Variants in ZMYM2 observed in about 807,000 individuals in gnomAD.
The protein encoded by ZMYM2 is zinc finger MYM-type containing 2, also known as zinc finger MYM-type protein 2.
In ZMYM2, 56 loss-of-function variants were observed where a neutral mutation model predicts 162.8. That is an observed-to-expected ratio of 0.34 (90% CI 0.28 to 0.43). The LOEUF is 0.43. Ranked by LOEUF, ZMYM2 falls within the 20% of genes least tolerant of loss-of-function variation. ZMYM2 has a pLI of 1.00. For synonymous variants in ZMYM2, 510 were observed against 541.6 expected (o/e 0.94, Z 0.81); for missense variants, 1,275 against 1,621.8 (o/e 0.79, Z 3.67).
chr13:19,897,033 A>C, the ZMYM2 span, among the ~76,000 whole-genome samples: 2 of 150,894 alleles, frequency 1.3e-5, no homozygotes, highest in African/African-American at 4.9e-5. Context: ...AGATCACACC[A>C]TTGCACTCCA....
In ZMYM2 at chr13:20,006,453, A is replaced by G. The variant is rs766102273; in HGVS notation, c.1379A>G (p.Asn460Ser). Residue 460 changes from asparagine to serine, a missense_variant, in exon 6 of 25, where the codon AAT (asparagine) becomes AGT (serine). Transcript: ENST00000610343. ...DHCFNRYRMA[N>S]GLIMNCCEQC... ...TGCTTTAATAGATATAGAATGGCCAATGGTTTAATAATGAATTGCTGTGAA... is the reference window on the plus strand; with the variant it reads ...TGCTTTAATAGATATAGAATGGCCAGTGGTTTAATAATGAATTGCTGTGAA... 5.0e-6 allele frequency: 8 copies of G among 1,612,344 alleles called. No individual in the cohort carries two copies. Among genetic ancestry groups the G allele is most frequent in the South Asian group, 1.1e-5 (1 of 90,764 alleles).
the ZMYM2 span, among the ~76,000 whole-genome samples, chr13:19,939,254 C>G: frequency 1.3e-5 from 2 of 151,822 alleles, no homozygotes; most frequent in African/African-American, 2.4e-5. Flanking sequence ...GAACTCCTGA[C>G]CTCAAGTGAT....
intron 2 of ZMYM2, among the ~76,000 whole-genome samples, chr13:19,979,693 G>T (rs1424429206): frequency 1.3e-5 from 2 of 152,146 alleles, no homozygotes; most frequent in Non-Finnish European, 2.9e-5. Context: ...GTTCCTATCA[G>T]CCCTGTGTAC....
chr13:20,061,021 TA>T, intron 16 of ZMYM2, 31 bp from the exon 17 acceptor site: 1 of 1,578,992 alleles, frequency 6.3e-7, no homozygotes, highest in Middle Eastern at 1.7e-4. Flanking sequence ...TAATGTTTAG[TA>T]AACCTAACTC....
rs184228572 is a variant in ZMYM2, at chr13:20,014,898, G to A, written c.1513-4649G>A. 7.3e-5 allele frequency among the ~76,000 whole-genome samples: 11 copies of A among 150,890 alleles called. No homozygotes were observed. In the East Asian group the frequency reaches 7.9e-4, roughly 11 times the overall value. On this transcript the variant is annotated intron_variant, in intron 6 of 24. Transcript: ENST00000610343. Reference sequence around the variant, plus strand: ...TCCTGCATCCGCCTCCTGAGTAGCCGGGATTACAGGCATGTGCCACCACAC... The same window carrying A: ...TCCTGCATCCGCCTCCTGAGTAGCCAGGATTACAGGCATGTGCCACCACAC...
the ZMYM2 span, among the ~76,000 whole-genome samples, chr13:19,912,005 C>G: frequency 6.8e-4 from 104 of 152,334 alleles, no homozygotes; most frequent in African/African-American, 2.5e-3. Context: ...GACAGAGGAT[C>G]TTGGAGAATG....
chr13:19,883,882 G>A, the ZMYM2 span, among the ~76,000 whole-genome samples: 1 of 152,156 alleles, frequency 6.6e-6, no homozygotes, highest in African/African-American at 2.4e-5. Flanking sequence ...TCCGCCTCCC[G>A]CGTAGCTGGG....
At chr13:19,973,397 G>A (rs898286985) in intron 2 of ZMYM2, among the ~76,000 whole-genome samples, 4 of 151,992 alleles carry the variant, frequency 2.6e-5, no homozygotes, top group South Asian at 2.1e-4. Context: ...GGGGCCGGGC[G>A]TGGTGGTTTC....
chr13:20,062,505 T>TA (rs1318835652), intron 17 of ZMYM2, among the ~76,000 whole-genome samples: 1 of 152,216 alleles, frequency 6.6e-6, no homozygotes, highest in Non-Finnish European at 1.5e-5. Flanking sequence ...ACTACAGTTG[T>TA]CTACCCTCAT....
the ZMYM2 span, among the ~76,000 whole-genome samples, chr13:19,934,764 T>C: frequency 4.9e-5 from 1 of 20,326 alleles, no homozygotes; most frequent in Non-Finnish European, 1.1e-3. Flanking sequence ...TTTTTCTTTC[T>C]TTCTTTCTTT....
At chr13:20,004,168 A>G (rs1252695846) in intron 4 of ZMYM2, among the ~76,000 whole-genome samples, 1 of 152,274 alleles carries the variant, frequency 6.6e-6, no homozygotes, top group Non-Finnish European at 1.5e-5. Context: ...ATTGCTTTGC[A>G]GTAGTAAACT....
chr13:19,955,496 C>A (rs1954484520), upstream of ZMYM2, among the ~76,000 whole-genome samples: 1 of 152,216 alleles, frequency 6.6e-6, no homozygotes, highest in South Asian at 2.1e-4. Flanking sequence ...TGGGGGCAGT[C>A]TGGCTCTTTA....
intron 6 of ZMYM2, among the ~76,000 whole-genome samples, chr13:20,012,573 T>C (rs539979388): frequency 6.6e-6 from 1 of 152,350 alleles, no homozygotes; most frequent in South Asian, 2.1e-4. Context: ...GTCATGGTTT[T>C]CCTCTACAGT....
intron 23 of ZMYM2, 148 bp from the exon 24 acceptor site, chr13:20,083,508 T>C: frequency 1.6e-6 from 1 of 637,206 alleles, no homozygotes; most frequent in Non-Finnish European, 2.6e-6. Flanking sequence ...GTTCCTTTTG[T>C]TTGAAAAATT....
chr13:19,884,418 A>G, the ZMYM2 span, among the ~76,000 whole-genome samples: 1 of 152,114 alleles, frequency 6.6e-6, no homozygotes, highest in Non-Finnish European at 1.5e-5. Flanking sequence ...ATGACTAACG[A>G]TACAAAAAAA....
At chr13:20,046,554 TAAA>T (rs137929093) in intron 12 of ZMYM2, among the ~76,000 whole-genome samples, 5 of 76,412 alleles carry the variant, frequency 6.5e-5, no homozygotes, top group Non-Finnish European at 7.8e-5. Flanking sequence ...ACTTTGTCTC[TAAA>T]AAAAAAAATA....
intron 14 of ZMYM2, among the ~76,000 whole-genome samples, chr13:20,053,122 A>T (rs1205389054): frequency 6.6e-6 from 1 of 152,232 alleles, no homozygotes; most frequent in Non-Finnish European, 1.5e-5. Context: ...TGCTTTTGCC[A>T]CTGCCTGGCC....
the ZMYM2 span, among the ~76,000 whole-genome samples, chr13:19,885,873 GTA>G: frequency 3.0e-5 from 2 of 65,820 alleles, no homozygotes; most frequent in African/African-American, 9.9e-5. Context: ...ATATATATAT[GTA>G]TATACACATA....
intron 2 of ZMYM2, among the ~76,000 whole-genome samples, chr13:19,962,220 C>T (rs532517479): frequency 1.3e-5 from 2 of 151,714 alleles, no homozygotes; most frequent in South Asian, 4.1e-4. Flanking sequence ...TGTATTTTGC[C>T]CTTGTTTGAG....
Sources: gnomAD v4.1 joint callset for allele counts (sites outside exome capture counted in the v4.1 genomes callset) on GRCh38, gnomAD v4.1.1 for gene constraint, MANE v1.5 for transcripts, NCBI Gene and HGNC (gene_info 2026-07-23, HGNC 2026-07-21) for gene names.